The following TTC4 variants were observed in gnomAD, a reference collection of about 807,000 sequenced individuals.
The protein encoded by TTC4 is tetratricopeptide repeat domain 4, also known as hsp70/Hsp90 co-chaperone CNS1 homolog.
A neutral mutation model predicts 51.9 loss-of-function variants in TTC4; 36 were observed. The ratio of observed to expected loss-of-function variants is 0.69; its 90% CI spans 0.53 to 0.92. The LOEUF (loss-of-function observed/expected upper bound fraction) is 0.92, where lower values mean the gene tolerates loss of function less well. Ranked by LOEUF, TTC4 falls within the 40% of genes least tolerant of loss-of-function variation. The pLI, the probability that TTC4 is intolerant of heterozygous loss-of-function variation, is 0.00. For missense variants in TTC4, 399 were observed against 454.6 expected, an observed-to-expected ratio of 0.88 and a Z score of 1.11; for synonymous variants, 144 against 164.2, an observed-to-expected ratio of 0.88 and a Z score of 0.94.
chr1:54,732,198 G>A (rs1391402101), intron 7 of TTC4, among the ~76,000 whole-genome samples: 1 of 151,192 alleles, frequency 6.6e-6, no homozygotes, highest in Non-Finnish European at 1.5e-5. Context: ...CTGGGCATCT[G>A]TAATATCAGC....
intron 8 of TTC4, among the ~76,000 whole-genome samples, chr1:54,736,263 A>T (rs1206476331): frequency 0.039 from 4,820 of 124,836 alleles, 615 homozygotes; most frequent in African/African-American, 0.1. Flanking sequence ...GGAGAGAGAG[A>T]GAGAGAGACC....
intron 7 of TTC4, among the ~76,000 whole-genome samples, chr1:54,732,423 G>A (rs1645878092): frequency 6.6e-6 from 1 of 150,532 alleles, no homozygotes; most frequent in South Asian, 2.1e-4. Flanking sequence ...TGTAGAATGA[G>A]TCTAAGTGTA....
rs186011149 is a variant in TTC4, at chr1:54,731,448, A to G, written c.682-38A>G. On this transcript the variant is annotated intron_variant, in intron 6 of 9. Coordinates refer to ENST00000371281, the MANE Select transcript of TTC4 (RefSeq NM_004623.5). ...GGTTTGCATCCTCCCACACAATAAG[A>G]TGTGCATTATGTGTGTGTGTTTCTG... 60 of 1,584,950 alleles carry G rather than the reference A, an allele frequency of 3.8e-5. No individual in the cohort carries two copies. In the African/African-American group the frequency reaches 7.8e-4, roughly 21 times the overall value.
Position 54,731,650 on chromosome 1 carries a change from C to T in TTC4, c.846C>T (p.Tyr282=). The T allele has an allele frequency of 6.2e-7, 1 of 1,614,116 alleles. No individual in the cohort carries two copies. The highest frequency in any genetic ancestry group is 8.5e-7 in the Non-Finnish European group (1 of 1,180,030). ...GRLSWPVLFL[Y]PEYAQSDFIS... ...TGAGCTGGCCTGTGCTCTTTCTGTACCCAGAGTATGCCCAGTCGGACTTCA... is the reference window on the plus strand; with the variant it reads ...TGAGCTGGCCTGTGCTCTTTCTGTATCCAGAGTATGCCCAGTCGGACTTCA... Residue 282 remains tyrosine, a synonymous_variant, in exon 7 of 10, where the codon TAC becomes TAT. Transcript: ENST00000371281.
chr1:54,716,158 A>G, intron 1 of TTC4, 139 bp downstream of exon 1: 1 of 725,952 alleles, frequency 1.4e-6, no homozygotes, highest in Non-Finnish European at 2.3e-6. Context: ...AGTATTGAAA[A>G]TCGGCCTCGA....
chr1:54,731,080 T>G (rs2101341204), intron 6 of TTC4, among the ~76,000 whole-genome samples: 1 of 152,360 alleles, frequency 6.6e-6, no homozygotes, highest in Admixed American at 6.5e-5. Context: ...TGTCTAGTTC[T>G]CTGTGACACA....
intron 5 of TTC4, among the ~76,000 whole-genome samples, chr1:54,723,319 T>C (rs567046291): frequency 2.6e-5 from 4 of 152,340 alleles, no homozygotes; most frequent in Non-Finnish European, 2.9e-5. Context: ...TTTTTCAGAA[T>C]GTATCCCCAT....
At chr1:54,716,813 C>T in intron 2 of TTC4, 96 bp downstream of exon 2, 1 of 951,932 alleles carries the variant, frequency 1.1e-6, no homozygotes, top group South Asian at 1.6e-5. Context: ...AAGTAGTTAG[C>T]CTGAGCTAAC....
intron 2 of TTC4, among the ~76,000 whole-genome samples, chr1:54,716,939 CT>C (rs1180737430): frequency 6.6e-6 from 1 of 152,144 alleles, no homozygotes; most frequent in Non-Finnish European, 1.5e-5. Flanking sequence ...AGTGAGAAGC[CT>C]TTTGTCTTAA....
At chr1:54,722,052 T>C (rs1225704502) in intron 4 of TTC4, among the ~76,000 whole-genome samples, 1 of 152,302 alleles carries the variant, frequency 6.6e-6, no homozygotes, top group East Asian at 1.9e-4. Flanking sequence ...ATCTAAGCCC[T>C]TACAATGCTT....
chr1:54,716,001 T>A lies in TTC4; in HGVS notation c.93T>A (p.His31Gln), dbSNP rs372482169. Residue 31 changes from histidine (H) to glutamine (Q), a missense_variant, in exon 1 of 10, where the codon CAT (histidine) becomes CAA (glutamine). Transcript: ENST00000371281. ...FQSQPYRGGF[H>Q]EDQWEKEFEK... ...GCCAGCCTTACCGTGGCGGCTTTCA[T>A]GAGGACCAGTGGGAGAAGGTGGGCG... 20 of 1,592,548 alleles carry A rather than the reference T, an allele frequency of 1.3e-5. No homozygotes were observed. Among genetic ancestry groups the A allele is most frequent in the Non-Finnish European group, 1.6e-5 (19 of 1,170,032 alleles).
intron 7 of TTC4, among the ~76,000 whole-genome samples, chr1:54,732,342 AG>A: frequency 6.7e-6 from 1 of 148,964 alleles, no homozygotes; most frequent in Non-Finnish European, 1.5e-5. Flanking sequence ...AAAATAAAAA[AG>A]AGATATATGT....
At chr1:54,723,576 G>A (rs1232586538) in intron 5 of TTC4, among the ~76,000 whole-genome samples, 1 of 152,176 alleles carries the variant, frequency 6.6e-6, no homozygotes, top group East Asian at 1.9e-4. Context: ...CTTAGACTCT[G>A]GAGCCACTGC....
In TTC4 at chr1:54,742,248, AGTATATTTTTGTCTGCAGCT is replaced by A. The variant is rs1317731094; in HGVS notation, c.*738_*757del. 1.3e-5 allele frequency: 2 copies of A among 152,168 alleles called. No individual in the cohort carries two copies. Among genetic ancestry groups the A allele is most frequent in the African/African-American group, 4.8e-5 (2 of 41,410 alleles). 9.4% of individuals were successfully genotyped at this position (152,168 alleles called of 1,614,324 possible). ...CTTCTAGCATGTTGGGTTGTTACAG[AGTATATTTTTGTCTGCAGCT>A]GTTTGTTGCCCCATTCCTAAGAGGA... On this transcript the variant is annotated 3_prime_UTR_variant, in exon 10 of 10. Transcript: ENST00000371281.
chr1:54,727,195 A>G (rs1339660578), intron 5 of TTC4, among the ~76,000 whole-genome samples: 1 of 152,196 alleles, frequency 6.6e-6, no homozygotes, highest in East Asian at 1.9e-4. Context: ...AGAGCTCAGA[A>G]ATAAGCCCTC....
At chr1:54,728,687 G>C (rs1056811972) in intron 6 of TTC4, among the ~76,000 whole-genome samples, 1 of 152,142 alleles carries the variant, frequency 6.6e-6, no homozygotes, top group African/African-American at 2.4e-5. Context: ...TGTATTCCAG[G>C]ATCCACAGTG....
chr1:54,716,063 C>G (rs1340307234), intron 1 of TTC4, 44 bp downstream of exon 1: 1 of 1,503,918 alleles, frequency 6.6e-7, no homozygotes, highest in Non-Finnish European at 9.1e-7. Context: ...GGGCGTCGTC[C>G]GGACTCGTGG....
chr1:54,735,467 C>T (rs939295175), intron 8 of TTC4, among the ~76,000 whole-genome samples: 3 of 152,124 alleles, frequency 2.0e-5, no homozygotes, highest in Non-Finnish European at 4.4e-5. Flanking sequence ...ATGATCTGCC[C>T]GATTTGGCCT....
In TTC4 at chr1:54,717,453, A is replaced by G. The variant is rs548486083; in HGVS notation, c.230-39A>G. On this transcript the variant is annotated intron_variant, in intron 2 of 9. Transcript: ENST00000371281. ...AATCTATTTTTAATGAGCCTTTTAA[A>G]AAGTAAGCAATAGTGATTATTTTTC... 8.3e-6 allele frequency: 12 copies of G among 1,440,446 alleles called. No individual in the cohort carries two copies. In the African/African-American group the frequency reaches 1.7e-4, roughly 21 times the overall value. The allele number at this position is 1,440,446 out of a possible 1,614,324, so 89.2% of individuals were successfully genotyped here.
Sources: allele counts gnomAD v4.1 joint callset (sites outside exome capture counted in the v4.1 genomes callset), GRCh38; gene constraint gnomAD v4.1.1; transcripts MANE v1.5; gene names NCBI Gene and HGNC (gene_info 2026-07-23, HGNC 2026-07-21).